NAP1L1: variants seen among roughly 807,000 people sequenced by gnomAD.
NAP1L1 encodes nucleosome assembly protein 1 like 1, also known as nucleosome assembly protein 1-like 1.
Under a neutral mutation model 58.9 loss-of-function variants are expected in NAP1L1, and 9 were observed. That is an observed-to-expected ratio of 0.15 (90% CI 0.09 to 0.27). NAP1L1 has a LOEUF of 0.27. Ranked by LOEUF, NAP1L1 falls within the 10% of genes least tolerant of loss-of-function variation. The pLI, the probability that NAP1L1 is intolerant of heterozygous loss-of-function variation, is 1.00. For missense variants in NAP1L1, 302 were observed against 458.8 expected, an observed-to-expected ratio of 0.66 and a Z score of 3.12; for synonymous variants, 130 against 138.3, an observed-to-expected ratio of 0.94 and a Z score of 0.42.
intron 6 of NAP1L1, chr12:76,057,917 G>GT: frequency 8.7e-7 from 1 of 1,153,258 alleles, no homozygotes; most frequent in Non-Finnish European, 1.3e-6. Context: ...AAAGAAATAT[G>GT]TGACAAGGGT....
rs114484884 is a variant in NAP1L1, at chr12:76,060,980, C to A, written c.207-701G>T. On this transcript the variant is annotated intron_variant, in intron 4 of 14. Transcript: ENST00000618691. ...TGGTGGTGCATGCCTGTGGTCCCAG[C>A]CACTTGGAAGGCTAAGATGAGAGCA... The A allele has an allele frequency of 9.7e-3, 3,707 of 380,532 alleles. 118 individuals are homozygous for A. The highest frequency in any genetic ancestry group is 0.072 in the African/African-American group (3,371 of 46,748). The allele number at this position is 380,532 out of a possible 1,614,324, so 23.6% of individuals were successfully genotyped here.
chr12:76,060,186 G>A lies in NAP1L1; in HGVS notation c.300C>T (p.His100=), dbSNP rs4663. Residue 100 remains histidine, a synonymous_variant, in exon 5 of 15, where the codon CAC becomes CAT. Coordinates refer to ENST00000618691, the MANE Select transcript of NAP1L1 (RefSeq NM_004537.7). ...GAACAGCATACTTCCTTTCAAGATC[G>A]TGAACTTCCTCATAGAATTTGGCTT... ...QIEAKFYEEV[H]DLERKYAVLY... is the part of the protein sequence containing the mutation. 983,454 of 1,611,446 alleles carry A rather than the reference G, an allele frequency of 0.61. 308,519 individuals are homozygous for A. The highest frequency in any genetic ancestry group is 0.97 in the East Asian group (43,238 of 44,798).
At chr12:76,058,104 G>C (rs576183286) in intron 6 of NAP1L1, 3 of 741,080 alleles carry the variant, frequency 4.0e-6, no homozygotes, top group Non-Finnish European at 7.6e-6. Context: ...TGACAGCATC[G>C]AAGATCTTGG....
chr12:76,051,917 G>A (rs1948851517), intron 11 of NAP1L1, among the ~76,000 whole-genome samples: 1 of 152,102 alleles, frequency 6.6e-6, no homozygotes, highest in Admixed American at 6.6e-5. Flanking sequence ...GGGAGGCTGA[G>A]GCAGGAGAAT....
chr12:76,061,712 C>A (rs1242552690), intron 4 of NAP1L1, among the ~76,000 whole-genome samples: 5 of 152,318 alleles, frequency 3.3e-5, no homozygotes, highest in African/African-American at 1.2e-4. Flanking sequence ...GTTAAACTTT[C>A]CTGCCACAAA....
intron 2 of NAP1L1, among the ~76,000 whole-genome samples, chr12:76,073,301 T>A (rs1271350021): frequency 6.6e-6 from 1 of 152,072 alleles, no homozygotes; most frequent in East Asian, 1.9e-4. Flanking sequence ...TAATTTAGCA[T>A]CCCCTCACTC....
intron 8 of NAP1L1, 129 bp from the exon 9 acceptor site, chr12:76,054,038 T>G (rs1168302000): frequency 5.3e-5 from 60 of 1,122,092 alleles, no homozygotes; most frequent in Non-Finnish European, 6.9e-5. Context: ...TGAAATACAA[T>G]CTTCTTTTTG....
intron 4 of NAP1L1, among the ~76,000 whole-genome samples, chr12:76,061,377 G>T (rs563833880): frequency 6.6e-6 from 1 of 152,250 alleles, no homozygotes; most frequent in Admixed American, 6.5e-5. Context: ...AAGAATGTAC[G>T]ATATTTGGTT....
At chr12:76,055,206 C>T in intron 7 of NAP1L1, 116 bp from the exon 8 acceptor site, 1 of 622,540 alleles carries the variant, frequency 1.6e-6, no homozygotes, top group Non-Finnish European at 2.6e-6. Context: ...TTTTGTATAG[C>T]AATTATGAAC....
intron 13 of NAP1L1, 26 bp from the exon 14 acceptor site, chr12:76,049,276 A>G (rs1419953068): frequency 6.2e-7 from 1 of 1,613,126 alleles, no homozygotes; most frequent in Non-Finnish European, 8.5e-7. Flanking sequence ...AAATGCATCC[A>G]TGAAGTATGT....
At chr12:76,049,671 T>C (rs1948730112) in intron 13 of NAP1L1, 85 bp downstream of exon 13, 2 of 1,569,178 alleles carry the variant, frequency 1.3e-6, no homozygotes, top group East Asian at 4.5e-5. Flanking sequence ...ACAGAATGAT[T>C]ATAGCAAAGG....
At chr12:76,083,873 T>G (rs1565757063) in intron 1 of NAP1L1, 1 of 152,226 alleles carries the variant, frequency 6.6e-6, no homozygotes, top group Admixed American at 6.5e-5. Context: ...ACTTTCAAAG[T>G]AAGCACAGAC....
chr12:76,076,104 A>G (rs750194645), intron 1 of NAP1L1, among the ~76,000 whole-genome samples: 3 of 152,194 alleles, frequency 2.0e-5, no homozygotes, highest in African/African-American at 4.8e-5. Flanking sequence ...TTTGCTTTCC[A>G]TGTTCACCTA....
chr12:76,058,135 TTTGTCTGTAGTTAA>T, intron 6 of NAP1L1: 1 of 698,002 alleles, frequency 1.4e-6, no homozygotes, highest in Admixed American at 1.8e-5. Flanking sequence ...AATTTGAAAA[TTTGTCTGTAGTTAA>T]TGGCCTGAAC....
At chr12:76,054,604 A>G (rs1198767887) in intron 8 of NAP1L1, among the ~76,000 whole-genome samples, 2 of 152,204 alleles carry the variant, frequency 1.3e-5, no homozygotes, top group Admixed American at 1.3e-4. Context: ...CCCAACCTTA[A>G]GCATCTACAG....
chr12:76,050,072 C>T (rs1046327152), intron 12 of NAP1L1, among the ~76,000 whole-genome samples: 4 of 152,194 alleles, frequency 2.6e-5, no homozygotes, highest in East Asian at 1.9e-4. Context: ...ATGCACTGTA[C>T]GAAAAGGACC....
rs796671180 is a variant in NAP1L1, at chr12:76,041,779, AAGAC to A, written c.*6646_*6649del. 1.4e-4 allele frequency: 22 copies of A among 152,174 alleles called. No homozygotes were observed. The highest frequency in any genetic ancestry group is 5.3e-4 in the African/African-American group (22 of 41,546). The allele number at this position is 152,174 out of a possible 1,614,324, so 9.4% of individuals were successfully genotyped here. On this transcript the variant is annotated 3_prime_UTR_variant, in exon 15 of 15. Transcript: ENST00000618691. ...CAAGTCTAAAATCACATCTGATCTCAAGACAGACACCCATGTCACATCCACACCA... is the reference window on the plus strand; with the variant it reads ...CAAGTCTAAAATCACATCTGATCTCAAGACACCCATGTCACATCCACACCA...
intron 1 of NAP1L1, among the ~76,000 whole-genome samples, chr12:76,082,271 A>G (rs1256688787): frequency 6.6e-6 from 1 of 152,248 alleles, no homozygotes; most frequent in Non-Finnish European, 1.5e-5. Context: ...TTGAGAATTT[A>G]GAATCAACTC....
At chr12:76,065,608 A>G (rs574774955) in intron 4 of NAP1L1, among the ~76,000 whole-genome samples, 4 of 152,056 alleles carry the variant, frequency 2.6e-5, no homozygotes, top group African/African-American at 9.7e-5. Context: ...GCTATTCACA[A>G]CAGCCACACA....
Sources: gnomAD v4.1 joint callset for allele counts (sites outside exome capture counted in the v4.1 genomes callset) on GRCh38, gnomAD v4.1.1 for gene constraint, MANE v1.5 for transcripts, NCBI Gene and HGNC (gene_info 2026-07-23, HGNC 2026-07-21) for gene names.